PRSS23: variants seen among roughly 807,000 people sequenced by gnomAD.
PRSS23 encodes serine protease 23.
A neutral mutation model predicts 34.7 loss-of-function variants in PRSS23; 25 were observed. That is an observed-to-expected ratio of 0.72 (90% CI 0.53 to 1.01). The LOEUF (loss-of-function observed/expected upper bound fraction) is 1.01, where lower values mean the gene tolerates loss of function less well. PRSS23 is among the 50% of genes least tolerant of loss of function. The probability of loss-of-function intolerance (pLI) is 0.00; values close to 1 mark genes in which losing one functional copy is unlikely to be tolerated. For missense variants in PRSS23, 445 were observed against 475.6 expected (o/e 0.94, Z 0.60); for synonymous variants, 176 against 186.6 (o/e 0.94, Z 0.46).
At chr11:86,897,642 T>C (rs1468353289) in intron 2 of PRSS23, among the ~76,000 whole-genome samples, 1 of 151,316 alleles carries the variant, frequency 6.6e-6, no homozygotes, top group Non-Finnish European at 1.5e-5. Context: ...AGTTTTTTTT[T>C]GTTTGTTTGT....
intron 2 of PRSS23, among the ~76,000 whole-genome samples, chr11:86,867,361 T>C (rs2134942023): frequency 6.6e-6 from 1 of 152,326 alleles, no homozygotes; most frequent in South Asian, 2.1e-4. Flanking sequence ...AGGGCTGATT[T>C]CCATGGGAAC....
chr11:86,842,150 T>C (rs1321439907), intron 2 of PRSS23, among the ~76,000 whole-genome samples: 1 of 152,180 alleles, frequency 6.6e-6, no homozygotes, highest in African/African-American at 2.4e-5. Context: ...ATAAACGTAA[T>C]CCATCACATA....
At chr11:86,896,201 A>G (rs1407347064) in intron 2 of PRSS23, among the ~76,000 whole-genome samples, 1 of 152,168 alleles carries the variant, frequency 6.6e-6, no homozygotes, top group Non-Finnish European at 1.5e-5. Flanking sequence ...CAGGATGTAT[A>G]TATGTGATAG....
chr11:86,825,016 A>G (rs1432798351), intron 2 of PRSS23, among the ~76,000 whole-genome samples: 1 of 152,080 alleles, frequency 6.6e-6, no homozygotes, highest in African/African-American at 2.4e-5. Flanking sequence ...GGCTGGGTCA[A>G]ATGGTATTTC....
intron 2 of PRSS23, among the ~76,000 whole-genome samples, chr11:86,930,539 C>T (rs1949117118): frequency 6.6e-6 from 1 of 152,114 alleles, no homozygotes; most frequent in African/African-American, 2.4e-5. Context: ...CGTCTGTAAT[C>T]CCAGCACTTT....
chr11:86,847,397 T>C (rs1247655764), intron 2 of PRSS23, among the ~76,000 whole-genome samples: 2 of 152,118 alleles, frequency 1.3e-5, no homozygotes, highest in African/African-American at 4.8e-5. Flanking sequence ...TTGTGCCCCA[T>C]TTAGTAGTCA....
intron 2 of PRSS23, among the ~76,000 whole-genome samples, chr11:86,886,114 A>G (rs1462669270): frequency 6.6e-6 from 1 of 152,228 alleles, no homozygotes; most frequent in East Asian, 1.9e-4. Flanking sequence ...CTGTAATCCC[A>G]GCACTTTGGG....
At chr11:86,897,693 A>G (rs1384833035) in intron 2 of PRSS23, among the ~76,000 whole-genome samples, 1 of 151,728 alleles carries the variant, frequency 6.6e-6, no homozygotes, top group African/African-American at 2.4e-5. Context: ...CTAGTTTCAA[A>G]CTCCTGGCCT....
At chr11:86,944,724 G>A (rs759855059) in intron 2 of PRSS23, among the ~76,000 whole-genome samples, 1 of 152,152 alleles carries the variant, frequency 6.6e-6, no homozygotes, top group Non-Finnish European at 1.5e-5. Flanking sequence ...CCTTAACTTC[G>A]TAATTACTTA....
At chr11:86,847,711 C>T (rs1948498259) in intron 2 of PRSS23, among the ~76,000 whole-genome samples, 1 of 152,170 alleles carries the variant, frequency 6.6e-6, no homozygotes, top group Non-Finnish European at 1.5e-5. Flanking sequence ...TCTTCTGTAC[C>T]ACTGCCTGGC....
At chr11:86,833,079 A>T in intron 2 of PRSS23, 1 of 586,130 alleles carries the variant, frequency 1.7e-6, no homozygotes, top group Non-Finnish European at 3.2e-6. Flanking sequence ...AGGGTGACAG[A>T]TGGCTACAAA....
chr11:86,901,717 A>G (rs555747915), intron 2 of PRSS23, among the ~76,000 whole-genome samples: 53 of 152,304 alleles, frequency 3.5e-4, no homozygotes, highest in Middle Eastern at 6.8e-3. Context: ...TGGCATTTGG[A>G]AGGGAATTAG....
chr11:86,828,477 G>C (rs1948322107), intron 2 of PRSS23, among the ~76,000 whole-genome samples: 1 of 152,116 alleles, frequency 6.6e-6, no homozygotes, highest in Non-Finnish European at 1.5e-5. Flanking sequence ...TTTAATTGGA[G>C]CATTTAGTCC....
At chr11:86,818,227 C>T (rs1948227299) in intron 1 of PRSS23, among the ~76,000 whole-genome samples, 1 of 152,168 alleles carries the variant, frequency 6.6e-6, no homozygotes, top group Non-Finnish European at 1.5e-5. Flanking sequence ...AAGTATAAAA[C>T]AAATCATGTG....
chr11:86,919,532 G>A (rs1322712172), intron 2 of PRSS23, among the ~76,000 whole-genome samples: 4 of 152,102 alleles, frequency 2.6e-5, no homozygotes, highest in African/African-American at 9.7e-5. Flanking sequence ...TGTAGAGAAG[G>A]CTTACTCCTC....
At chr11:86,800,410 G>C (rs910991451), upstream of PRSS23, 2 of 973,422 alleles carry the variant, frequency 2.1e-6, no homozygotes, top group African/African-American at 3.5e-5. Context: ...CGAGGGGAGG[G>C]GGGCACGGTT....
chr11:86,927,838 A>C (rs1949091764), intron 2 of PRSS23, among the ~76,000 whole-genome samples: 1 of 152,050 alleles, frequency 6.6e-6, no homozygotes, highest in Admixed American at 6.5e-5. Flanking sequence ...CTGTAGTCCC[A>C]GCTACTCAGG....
chr11:86,858,768 T>C (rs1948591241), intron 2 of PRSS23, among the ~76,000 whole-genome samples: 1 of 151,732 alleles, frequency 6.6e-6, no homozygotes, highest in Non-Finnish European at 1.5e-5. Flanking sequence ...AATAGGATGA[T>C]ATGACTCCCA....
At chr11:86,836,395 C>G (rs1948405883) in intron 2 of PRSS23, among the ~76,000 whole-genome samples, 1 of 152,076 alleles carries the variant, frequency 6.6e-6, no homozygotes, top group South Asian at 2.1e-4. Context: ...GATGGGTATT[C>G]TTTGCTCATC....
Sources: allele counts gnomAD v4.1 joint callset (sites outside exome capture counted in the v4.1 genomes callset), GRCh38; gene constraint gnomAD v4.1.1; transcripts MANE v1.5; gene names NCBI Gene and HGNC (gene_info 2026-07-23, HGNC 2026-07-21).